The following ERICH6B variants were observed in gnomAD, a reference collection of about 807,000 sequenced individuals.
ERICH6B encodes glutamate-rich protein 6B.
ERICH6B carries 69 observed loss-of-function variants against 80.0 expected under a neutral mutation model. The observed-to-expected ratio is 0.86, with a 90% confidence interval of 0.71 to 1.05. ERICH6B has a LOEUF of 1.05. Ranked by LOEUF, ERICH6B falls within the 50% of genes least tolerant of loss-of-function variation. ERICH6B has a pLI of 0.00. For missense variants in ERICH6B, 754 were observed against 796.1 expected (o/e 0.95, Z 0.64); for synonymous variants, 283 against 291.9 (o/e 0.97, Z 0.31).
intron 1 of ERICH6B, among the ~76,000 whole-genome samples, chr13:45,608,011 A>G (rs1174696148): frequency 6.6e-6 from 1 of 152,180 alleles, no homozygotes; most frequent in Admixed American, 6.5e-5. Flanking sequence ...CCTTTCAATT[A>G]TGGCATATTT....
chr13:45,584,186 A>G (rs2985947), intron 5 of ERICH6B, among the ~76,000 whole-genome samples: 66,274 of 152,048 alleles, frequency 0.44, 15,644 homozygotes, highest in Non-Finnish European at 0.53. Flanking sequence ...AATGCTCTGC[A>G]TTAGAATTTC....
rs190481015 is a variant in ERICH6B, at chr13:45,570,787, C to T, written c.1051-2336G>A. Reference sequence around the variant, plus strand: ...GCAGCTGCAGGTTCCATATGGCATTCGCTCCATTGCAGCTGCAGGTTCCAT... The same window carrying T: ...GCAGCTGCAGGTTCCATATGGCATTTGCTCCATTGCAGCTGCAGGTTCCAT... On this transcript the variant is annotated intron_variant, in intron 8 of 14. Coordinates refer to ENST00000298738, the MANE Select transcript of ERICH6B (RefSeq NM_182542.3). Among the ~76,000 whole-genome samples the T allele has an allele frequency of 6.6e-5, 10 of 151,594 alleles. No individual in the cohort carries two copies. The South Asian group carries it at 1.5e-3, about 22-fold the overall frequency.
chr13:45,546,150 G>A (rs1287920451), intron 13 of ERICH6B, among the ~76,000 whole-genome samples: 1 of 152,164 alleles, frequency 6.6e-6, no homozygotes, highest in Non-Finnish European at 1.5e-5. Context: ...AATGAAGGGT[G>A]GATGGATTTC....
At chr13:45,613,149 G>T (rs1566310071) in intron 1 of ERICH6B, among the ~76,000 whole-genome samples, 2 of 151,938 alleles carry the variant, frequency 1.3e-5, no homozygotes, top group Admixed American at 1.3e-4. Context: ...CAAAGAGCGG[G>T]GTACCCTTGT....
Position 45,572,449 on chromosome 13 carries a change from A to G in ERICH6B, c.1050+2393T>C, listed in dbSNP as rs191191738. ...CAGTATTGTTGGGGGCTTTGGCTAG[A>G]TCTCCTACGCCATATTGTTTCCCCC... On this transcript the variant is annotated intron_variant, in intron 8 of 14. Coordinates refer to ENST00000298738, the MANE Select transcript of ERICH6B (RefSeq NM_182542.3). 1.5e-3 allele frequency among the ~76,000 whole-genome samples: 228 copies of G among 152,266 alleles called. 3 individuals carry two copies. Among genetic ancestry groups the G allele is most frequent in the Non-Finnish European group, 1.8e-4 (12 of 68,030 alleles).
chr13:45,541,555 G>A lies in ERICH6B; in HGVS notation c.1998C>T (p.Thr666=). The change falls in exon 15 of 15, where the codon ACC becomes ACT. Residue 666 remains threonine (T), a synonymous_variant. Transcript: ENST00000298738. ...CTATGAAGTTTTCCAGATCAGGGGT[G>A]GTCGCGTAATTCAGGAGCCTATTCA... The part of the protein sequence containing the change: ...GKMNRLLNYA[T]TPDLENFIEA... 1.9e-6 allele frequency: 3 copies of A among 1,552,044 alleles called. No individual in the cohort carries two copies. Among genetic ancestry groups the A allele is most frequent in the Non-Finnish European group, 2.6e-6 (3 of 1,147,072 alleles).
chr13:45,547,095 G>GGCCAGTCACTTA (rs1422007318), intron 13 of ERICH6B, among the ~76,000 whole-genome samples: 1 of 152,220 alleles, frequency 6.6e-6, no homozygotes, highest in Non-Finnish European at 1.5e-5. Context: ...CAAACTGTGT[G>GGCCAGTCACTTA]ACCTTGGGCC....
chr13:45,585,652 A>C lies in ERICH6B; in HGVS notation c.856+1411T>G, dbSNP rs1031732422. On this transcript the variant is annotated intron_variant, in intron 5 of 14. Transcript: ENST00000298738. ...ACAGTCCATATCTTTGACTCAAGCC[A>C]CCAATGTCACAATATTTGATCAGTG... Among the ~76,000 whole-genome samples the C allele has an allele frequency of 4.6e-5, 7 of 152,180 alleles. No individual in the cohort carries two copies. The East Asian group carries it at 7.7e-4, about 17-fold the overall frequency.
intron 13 of ERICH6B, among the ~76,000 whole-genome samples, chr13:45,547,102 GGC>G (rs1874024635): frequency 6.6e-6 from 1 of 152,178 alleles, no homozygotes. Flanking sequence ...TGTGACCTTG[GGC>G]CAGTCACTTA....
intron 7 of ERICH6B, among the ~76,000 whole-genome samples, chr13:45,577,344 C>T (rs1041558497): frequency 4.7e-5 from 6 of 126,350 alleles, no homozygotes; most frequent in South Asian, 2.7e-4. Context: ...AGTGCAGTGG[C>T]GCGATCTCAG....
At chr13:45,551,748 T>C (rs547972955) in intron 11 of ERICH6B, 4 of 152,212 alleles carry the variant, frequency 2.6e-5, no homozygotes, top group Non-Finnish European at 5.9e-5. Context: ...ACCTCATCAG[T>C]AGATTAATAA....
In ERICH6B at chr13:45,566,172, C is replaced by CA. The variant is rs551990320; in HGVS notation, c.1187+2142dup. ...GCTGGTGGAAGAAATTTCTAAGCAG[C>CA]AAAGCATTCAAGAGGTGACTTGGGT... On this transcript the variant is annotated intron_variant, in intron 9 of 14. Coordinates refer to ENST00000298738, the MANE Select transcript of ERICH6B (RefSeq NM_182542.3). 1.2e-4 allele frequency among the ~76,000 whole-genome samples: 19 copies of CA among 152,262 alleles called. No homozygotes were observed. In the South Asian group the frequency reaches 3.7e-3, roughly 30 times the overall value.
chr13:45,576,769 C>T (rs959902989), intron 7 of ERICH6B, among the ~76,000 whole-genome samples: 4 of 151,856 alleles, frequency 2.6e-5, no homozygotes, highest in Non-Finnish European at 1.5e-5. Context: ...GTGTTTATTA[C>T]GGGAATAAGG....
chr13:45,563,597 C>T (rs2137978723), intron 10 of ERICH6B, 130 bp downstream of exon 10: 1 of 845,196 alleles, frequency 1.2e-6, no homozygotes, highest in Non-Finnish European at 2.0e-6. Context: ...AGGACCACAT[C>T]AGCCCTGTAG....
chr13:45,568,444 T>C lies in ERICH6B; in HGVS notation c.1058A>G (p.Asn353Ser), dbSNP rs878997811. The change falls in exon 9 of 15, where the codon AAC (asparagine) becomes AGC (serine). Residue 353 changes from asparagine (N) to serine (S), a missense_variant. By Grantham distance (46) the Asn-to-Ser change is conservative. Transcript: ENST00000298738. Reference sequence around the variant, plus strand: ...TTTAAATACTGTCTGATAGGAGCTGTTCAAAAACTACAAAAGGATCAAAGA... The same window carrying C: ...TTTAAATACTGTCTGATAGGAGCTGCTCAAAAACTACAAAAGGATCAAAGA... ...EVEDLDENFL[N>S]SSYQTVFKTI... 5 of 1,511,974 alleles carry C rather than the reference T, an allele frequency of 3.3e-6. No homozygotes were observed. The highest frequency in any genetic ancestry group is 3.5e-6 in the Non-Finnish European group (4 of 1,133,026). 93.7% of individuals were successfully genotyped at this position (1,511,974 alleles called of 1,614,324 possible).
At position 45,541,689 on chromosome 13, in the gene ERICH6B, A is replaced by G. The variant is rs2137949084; in HGVS notation, c.1873-9T>C. On this transcript the variant is annotated splice_polypyrimidine_tract_variant and intron_variant, in intron 14 of 14. Transcript: ENST00000298738. ...ACCTCTGGGATCACAAACTGTGGGGATTCACAGAGGACTGGGTGAGAATGC... is the reference window on the plus strand; with the variant it reads ...ACCTCTGGGATCACAAACTGTGGGGGTTCACAGAGGACTGGGTGAGAATGC... 6.5e-7 allele frequency: 1 copy of G among 1,549,690 alleles called. No individual in the cohort carries two copies. Among genetic ancestry groups the G allele is most frequent in the Non-Finnish European group, 8.7e-7 (1 of 1,146,850 alleles).
At chr13:45,571,773 G>A (rs973488735) in intron 8 of ERICH6B, among the ~76,000 whole-genome samples, 1 of 152,136 alleles carries the variant, frequency 6.6e-6, no homozygotes, top group African/African-American at 2.4e-5. Context: ...CAGTATGACT[G>A]GTGTCTTTAC....
intron 11 of ERICH6B, among the ~76,000 whole-genome samples, chr13:45,554,775 G>A (rs1185036913): frequency 2.6e-5 from 4 of 152,210 alleles, no homozygotes; most frequent in Admixed American, 6.5e-5. Flanking sequence ...GCGGGACCCC[G>A]AGCTGTGCCA....
intron 3 of ERICH6B, 77 bp downstream of exon 3, chr13:45,596,292 A>T: frequency 7.0e-7 from 1 of 1,433,582 alleles, no homozygotes; most frequent in Non-Finnish European, 9.3e-7. Context: ...CTTTCCAGAT[A>T]CTCTTCTTCA....
Sources: gnomAD v4.1 joint callset for allele counts (sites outside exome capture counted in the v4.1 genomes callset) on GRCh38, gnomAD v4.1.1 for gene constraint, MANE v1.5 for transcripts, NCBI Gene and HGNC (gene_info 2026-07-23, HGNC 2026-07-21) for gene names.